BAZ1B: variants seen among roughly 807,000 people sequenced by gnomAD.
BAZ1B encodes bromodomain adjacent to zinc finger domain 1B, also known as tyrosine-protein kinase BAZ1B.
Under a neutral mutation model 153.8 loss-of-function variants are expected in BAZ1B, and 22 were observed. The observed-to-expected ratio is 0.14, with a 90% confidence interval of 0.10 to 0.20. BAZ1B has a LOEUF of 0.20. Among genes scored for constraint, BAZ1B ranks in the 10% least tolerant of loss-of-function variants. The probability of loss-of-function intolerance (pLI) is 1.00; values close to 1 mark genes in which losing one functional copy is unlikely to be tolerated. For missense variants in BAZ1B, 1,325 were observed against 1,799.3 expected (o/e 0.74, Z 4.77); for synonymous variants, 676 against 633.4 (o/e 1.07, Z -1.01).
chr7:73,444,197 G>A lies in BAZ1B; in HGVS notation c.3845-68C>T, dbSNP rs546353037. On this transcript the variant is annotated intron_variant, in intron 16 of 19. Coordinates refer to ENST00000339594, the MANE Select transcript of BAZ1B (RefSeq NM_032408.4). ...GAAGGGAGGAGCATCTTCGAAATGG[G>A]GGAAAGGGATGCAGGGAGAATCCTT... The A allele has an allele frequency of 8.8e-6, 13 of 1,477,278 alleles. No homozygotes were observed. The African/African-American group carries it at 1.7e-4, about 19-fold the overall frequency. 91.5% of individuals were successfully genotyped at this position (1,477,278 alleles called of 1,614,324 possible).
chr7:73,487,978 T>C (rs1170331690), intron 6 of BAZ1B, among the ~76,000 whole-genome samples: 1 of 152,218 alleles, frequency 6.6e-6, no homozygotes, highest in Admixed American at 6.5e-5. Context: ...ATAAAATTAC[T>C]TTTCAATATG....
intron 3 of BAZ1B, among the ~76,000 whole-genome samples, chr7:73,502,720 G>A (rs919856948): frequency 3.3e-5 from 5 of 152,150 alleles, no homozygotes; most frequent in Admixed American, 6.5e-5. Context: ...GGAGGTTGCA[G>A]TAAGCCAAGG....
At chr7:73,468,694 T>C (rs1242890848) in intron 9 of BAZ1B, among the ~76,000 whole-genome samples, 1 of 152,210 alleles carries the variant, frequency 6.6e-6, no homozygotes, top group African/African-American at 2.4e-5. Flanking sequence ...TCACTCATTT[T>C]TCGTTAGGTA....
intron 1 of BAZ1B, among the ~76,000 whole-genome samples, chr7:73,516,906 C>A (rs1225197949): frequency 6.6e-6 from 1 of 151,558 alleles, no homozygotes; most frequent in South Asian, 2.1e-4. Context: ...CAAGGCTGGG[C>A]ATGGTGGCTC....
chr7:73,521,313 A>C (rs1791029463), intron 1 of BAZ1B, among the ~76,000 whole-genome samples: 1 of 152,164 alleles, frequency 6.6e-6, no homozygotes, highest in South Asian at 2.1e-4. Context: ...AGACGAAAAA[A>C]ACGCCAAGTA....
Position 73,476,820 on chromosome 7 carries a change from T to C in BAZ1B, c.2593+48A>G, listed in dbSNP as rs782689549. 6 of 1,537,388 alleles carry C rather than the reference T, an allele frequency of 3.9e-6. No homozygotes were observed. The African/African-American group carries it at 7.0e-5, about 18-fold the overall frequency. ...ATTACCTCAGTAATTTCCTTTCTTT[T>C]ACTATCTTCTACAGAGCTTCCCCTT... On this transcript the variant is annotated intron_variant, in intron 7 of 19. Coordinates refer to ENST00000339594, the MANE Select transcript of BAZ1B (RefSeq NM_032408.4).
chr7:73,519,547 A>C (rs1292242774), intron 1 of BAZ1B, among the ~76,000 whole-genome samples: 1 of 152,246 alleles, frequency 6.6e-6, no homozygotes, highest in Non-Finnish European at 1.5e-5. Flanking sequence ...AAATTAAAAA[A>C]TGAAGAATGT....
intron 4 of BAZ1B, among the ~76,000 whole-genome samples, 157 bp downstream of exon 4, chr7:73,498,340 T>C (rs1554576626): frequency 6.6e-6 from 1 of 152,234 alleles, no homozygotes; most frequent in Non-Finnish European, 1.5e-5. Flanking sequence ...GTGTTTCATG[T>C]TGTGGACATT....
intron 6 of BAZ1B, among the ~76,000 whole-genome samples, chr7:73,483,898 T>A (rs7799778): frequency 0.013 from 1,904 of 152,082 alleles, 42 homozygotes; most frequent in African/African-American, 0.044. Flanking sequence ...CCTCAGCCCC[T>A]CAAACTGCTG....
At chr7:73,453,171 T>A (rs1462535669) in intron 13 of BAZ1B, among the ~76,000 whole-genome samples, 1 of 152,236 alleles carries the variant, frequency 6.6e-6, no homozygotes, top group Non-Finnish European at 1.5e-5. Flanking sequence ...GTGGAAAATT[T>A]CAAAGCTGTG....
chr7:73,451,181 A>G (rs1279869273), intron 13 of BAZ1B, among the ~76,000 whole-genome samples, 187 bp from the exon 14 acceptor site: 2 of 152,224 alleles, frequency 1.3e-5, no homozygotes, highest in Non-Finnish European at 2.9e-5. Flanking sequence ...TCACACAGAG[A>G]TGCAGTGGAG....
intron 6 of BAZ1B, among the ~76,000 whole-genome samples, chr7:73,486,761 T>C (rs1789427395): frequency 6.6e-6 from 1 of 152,214 alleles, no homozygotes; most frequent in Admixed American, 6.5e-5. Flanking sequence ...CCCATGCCTT[T>C]GGATGGATGG....
chr7:73,466,577 C>T (rs1350748777), intron 9 of BAZ1B, among the ~76,000 whole-genome samples, 176 bp from the exon 10 acceptor site: 1 of 152,150 alleles, frequency 6.6e-6, no homozygotes, highest in Admixed American at 6.5e-5. Context: ...ATATCTTAAA[C>T]ACAGCATGTT....
chr7:73,498,079 C>G (rs1789987030), intron 4 of BAZ1B, among the ~76,000 whole-genome samples: 1 of 152,054 alleles, frequency 6.6e-6, no homozygotes, highest in African/African-American at 2.4e-5. Flanking sequence ...CCTGCCTCAG[C>G]TTCCCGAGTA....
intron 6 of BAZ1B, among the ~76,000 whole-genome samples, chr7:73,481,426 A>G (rs1554573644): frequency 6.6e-6 from 1 of 150,394 alleles, no homozygotes; most frequent in Non-Finnish European, 1.5e-5. Context: ...CTGAGGCAGG[A>G]GAATGGCCTG....
At chr7:73,504,113 G>A (rs912690302) in intron 3 of BAZ1B, among the ~76,000 whole-genome samples, 63 of 152,190 alleles carry the variant, frequency 4.1e-4, no homozygotes, top group African/African-American at 1.3e-3. Flanking sequence ...CCTTAACCCT[G>A]ATCAGACTGC....
intron 4 of BAZ1B, among the ~76,000 whole-genome samples, chr7:73,497,301 A>G (rs1243736154): frequency 2.0e-5 from 3 of 152,162 alleles, no homozygotes; most frequent in African/African-American, 7.2e-5. Flanking sequence ...ATGAACTAGC[A>G]TCACATAAAA....
At chr7:73,452,032 C>T (rs1189541186) in intron 13 of BAZ1B, among the ~76,000 whole-genome samples, 1 of 152,198 alleles carries the variant, frequency 6.6e-6, no homozygotes, top group Non-Finnish European at 1.5e-5. Flanking sequence ...CAGTCATGGG[C>T]AGTCCTGCTT....
At chr7:73,455,658 A>G (rs924488617) in intron 13 of BAZ1B, among the ~76,000 whole-genome samples, 1 of 152,124 alleles carries the variant, frequency 6.6e-6, no homozygotes. Flanking sequence ...ACACTCGCCT[A>G]TAATCCCAGG....
Sources: gnomAD v4.1 joint callset for allele counts (sites outside exome capture counted in the v4.1 genomes callset) on GRCh38, gnomAD v4.1.1 for gene constraint, MANE v1.5 for transcripts, NCBI Gene and HGNC (gene_info 2026-07-23, HGNC 2026-07-21) for gene names.